Variants in TENM3 observed in about 807,000 individuals in gnomAD.
TENM3 encodes the protein teneurin-3.
A neutral mutation model predicts 255.1 loss-of-function variants in TENM3; 63 were observed. The observed-to-expected ratio is 0.25, with a 90% CI of 0.20 to 0.30. The LOEUF (loss-of-function observed/expected upper bound fraction) is 0.30. Ranked by LOEUF, TENM3 falls within the 10% of genes least tolerant of loss-of-function variation. The pLI is 1.00. For synonymous variants in TENM3, 1,306 were observed against 1,322.3 expected (o/e 0.99, Z 0.27); for missense variants, 2,929 against 3,461.1 (o/e 0.85, Z 3.86).
At chr4:181,725,338 T>C in the TENM3 span, among the ~76,000 whole-genome samples, 1 of 152,166 alleles carries the variant, frequency 6.6e-6, no homozygotes, top group Non-Finnish European at 1.5e-5. Flanking sequence ...ACGTGGTTTA[T>C]GTCTTTATAT....
At chr4:181,612,068 A>G in the TENM3 span, among the ~76,000 whole-genome samples, 7 of 152,174 alleles carry the variant, frequency 4.6e-5, no homozygotes, top group Non-Finnish European at 1.0e-4. Context: ...GACACTTCTC[A>G]GGGATCTCGT....
chr4:182,650,262 G>A (rs1485118443), intron 5 of TENM3, among the ~76,000 whole-genome samples: 1 of 150,042 alleles, frequency 6.7e-6, no homozygotes, highest in Non-Finnish European at 1.5e-5. Flanking sequence ...GTCTTCACCT[G>A]AGACCCAGGG....
the TENM3 span, among the ~76,000 whole-genome samples, chr4:181,618,317 A>T: frequency 6.6e-6 from 1 of 152,204 alleles, no homozygotes; most frequent in Non-Finnish European, 1.5e-5. Context: ...TCCGCTCTGC[A>T]GCACTTCATT....
At position 182,773,466 on chromosome 4, in the gene TENM3, A is replaced by G. The variant is rs1282801793; in HGVS notation, c.4893-6A>G. 1 of 1,605,566 alleles carries G rather than the reference A, an allele frequency of 6.2e-7. No individual in the cohort carries two copies. On this transcript the variant is annotated splice_region_variant and splice_polypyrimidine_tract_variant and intron_variant, in intron 22 of 27. Transcript: ENST00000511685. ...TTAACACCAAGTTAATGCCTCTTGT[A>G]TTTAGCTATGACAGTGAAGGTCGTC...
chr4:182,233,585 C>T lies in TENM3; in HGVS notation c.-76+88831C>T, dbSNP rs1047357878. Among the ~76,000 whole-genome samples, 2 of 152,168 alleles carry T rather than the reference C, an allele frequency of 1.3e-5. 1 individual carries two copies. Among genetic ancestry groups the T allele is most frequent in the Non-Finnish European group, 2.9e-5 (2 of 68,032 alleles). ...GACATTCTGGAAACCACTTAAAATT[C>T]ACAGAAGTTTGGATTCTTTCTCTAG... is the stretch of plus-strand genomic sequence containing the variant. On this transcript the variant is annotated intron_variant, in intron 1 of 2. Transcript: ENST00000512480.
At chr4:182,385,039 G>A (rs1481373265) in intron 3 of TENM3, among the ~76,000 whole-genome samples, 3 of 152,024 alleles carry the variant, frequency 2.0e-5, no homozygotes, top group South Asian at 2.1e-4. Context: ...ACTGCTCTGC[G>A]GCTTCAGCCT....
At chr4:182,601,260 T>A in intron 4 of TENM3, 99 bp downstream of exon 4, 1 of 965,208 alleles carries the variant, frequency 1.0e-6, no homozygotes, top group Non-Finnish European at 1.5e-6. Context: ...TGGGGTTTTG[T>A]TGTTGTTGTG....
At chr4:182,718,225 G>A (rs1400349372) in intron 13 of TENM3, among the ~76,000 whole-genome samples, 34 of 152,088 alleles carry the variant, frequency 2.2e-4, no homozygotes, top group Admixed American at 2.2e-3. Flanking sequence ...AGATAGAGTT[G>A]CACCCAGGTG....
chr4:181,476,210 T>TTTG, the TENM3 span, among the ~76,000 whole-genome samples: 38 of 40,244 alleles, frequency 9.4e-4, no homozygotes, highest in East Asian at 1.8e-3. Flanking sequence ...TTAGGGGTTT[T>TTTG]TTTTTTTTTT....
the TENM3 span, among the ~76,000 whole-genome samples, chr4:181,938,513 G>A: frequency 2.6e-5 from 4 of 152,044 alleles, no homozygotes; most frequent in Admixed American, 1.3e-4. Context: ...TTCACTTTTC[G>A]TTGTCCACTG....
chr4:181,545,534 C>T, the TENM3 span, among the ~76,000 whole-genome samples: 42 of 152,186 alleles, frequency 2.8e-4, no homozygotes, highest in East Asian at 1.2e-3. Flanking sequence ...GGATAATAGT[C>T]GATTTTAGAA....
chr4:182,058,190 T>A, the TENM3 span, among the ~76,000 whole-genome samples: 1 of 151,518 alleles, frequency 6.6e-6, no homozygotes, highest in African/African-American at 2.4e-5. Context: ...TTTATTTTTT[T>A]AGGCAAGAAC....
rs77276025 is a variant in TENM3, at chr4:182,788,687, C to T, written c.5305-406C>T. On this transcript the variant is annotated intron_variant, in intron 24 of 27. Coordinates refer to ENST00000511685, the MANE Select transcript of TENM3 (RefSeq NM_001080477.4). Reference sequence around the variant, plus strand: ...CTTCAAAGGGCCAGAGTCACATTAACCGCTGTGTTTTATTTAATGTAGCCA... The same window carrying T: ...CTTCAAAGGGCCAGAGTCACATTAATCGCTGTGTTTTATTTAATGTAGCCA... 6.0e-3 allele frequency among the ~76,000 whole-genome samples: 920 copies of T among 152,306 alleles called. 8 individuals are homozygous for T. The highest frequency in any genetic ancestry group is 0.021 in the African/African-American group (879 of 41,562).
intron 12 of TENM3, among the ~76,000 whole-genome samples, chr4:182,691,781 C>A (rs1757027834): frequency 6.6e-6 from 1 of 152,124 alleles, no homozygotes; most frequent in Non-Finnish European, 1.5e-5. Context: ...CCCCAGAAAG[C>A]ATTCATGATT....
intron 3 of TENM3, chr4:182,548,551 A>G (rs931269795): frequency 1.3e-5 from 2 of 152,146 alleles, no homozygotes; most frequent in Non-Finnish European, 1.5e-5. Flanking sequence ...TCTGGCATTC[A>G]TTGGTTAGTC....
At chr4:182,096,766 CAA>C in the TENM3 span, among the ~76,000 whole-genome samples, 1 of 152,080 alleles carries the variant, frequency 6.6e-6, no homozygotes, top group Non-Finnish European at 1.5e-5. Context: ...GCAGGAAATT[CAA>C]AAGACAGAGG....
chr4:182,737,185 T>C, intron 17 of TENM3, 110 bp downstream of exon 17: 1 of 1,185,390 alleles, frequency 8.4e-7, no homozygotes, highest in African/African-American at 1.5e-5. Flanking sequence ...ATAAAGAGAA[T>C]AAGGTTGTCC....
chr4:182,077,207 T>C, the TENM3 span, among the ~76,000 whole-genome samples: 1 of 152,196 alleles, frequency 6.6e-6, no homozygotes, highest in Non-Finnish European at 1.5e-5. Flanking sequence ...TAAAATCCTA[T>C]GGGTCAGTTC....
the TENM3 span, among the ~76,000 whole-genome samples, chr4:181,815,353 T>C: frequency 2.1e-4 from 32 of 151,006 alleles, no homozygotes; most frequent in South Asian, 3.2e-3. Context: ...TCCCAGCTAC[T>C]TGGGAGGCTG....
Sources: allele counts gnomAD v4.1 joint callset (sites outside exome capture counted in the v4.1 genomes callset), GRCh38; gene constraint gnomAD v4.1.1; transcripts MANE v1.5; gene names NCBI Gene and HGNC (gene_info 2026-07-23, HGNC 2026-07-21).